LDB2: variants seen among roughly 807,000 people sequenced by gnomAD.
LDB2 encodes LIM domain binding 2.
In LDB2, 12 loss-of-function variants were observed where a neutral mutation model predicts 44.3. The observed-to-expected ratio is 0.27, with a 90% CI of 0.17 to 0.44. The LOEUF (loss-of-function observed/expected upper bound fraction) is 0.44. Among genes scored for constraint, LDB2 ranks in the 20% least tolerant of loss-of-function variants. LDB2 has a pLI of 1.00. For missense variants in LDB2, 344 were observed against 473.5 expected, an observed-to-expected ratio of 0.73 and a Z score of 2.54; for synonymous variants, 164 against 174.8, an observed-to-expected ratio of 0.94 and a Z score of 0.49.
intron 2 of LDB2, among the ~76,000 whole-genome samples, chr4:16,625,149 A>G (rs1729942084): frequency 1.3e-5 from 2 of 151,958 alleles, no homozygotes; most frequent in South Asian, 4.2e-4. Flanking sequence ...GCATCATCTC[A>G]TACCTCTCTC....
rs893010027 is a variant in LDB2, at chr4:16,502,474, T to C, written c.*169A>G. The C allele has an allele frequency of 8.2e-6, 8 of 972,770 alleles. No individual in the cohort carries two copies. Among genetic ancestry groups the C allele is most frequent in the Non-Finnish European group, 1.2e-5 (8 of 659,158 alleles). 60.3% of individuals were successfully genotyped at this position (972,770 alleles called of 1,614,324 possible). A position where few individuals can be genotyped will look rare whatever the true frequency, so the allele number is the denominator to read the frequency against. ...TGGAAGCTTACTGGGAATAATCCTC[T>C]CAATTAGAAAAAAAGAAAGAAGAAA... On this transcript the variant is annotated 3_prime_UTR_variant, in exon 8 of 8. Transcript: ENST00000304523.
At chr4:16,897,213 C>T (rs559631680) in intron 1 of LDB2, among the ~76,000 whole-genome samples, 1 of 152,282 alleles carries the variant, frequency 6.6e-6, no homozygotes, top group South Asian at 2.1e-4. Flanking sequence ...AATGGAGTCC[C>T]TTCCTAGAGT....
At chr4:16,857,735 G>C (rs114755341) in intron 1 of LDB2, among the ~76,000 whole-genome samples, 2,168 of 152,212 alleles carry the variant, frequency 0.014, 57 homozygotes, top group African/African-American at 0.049. Flanking sequence ...ACTTTATGAA[G>C]GTCTCTGCTC....
Position 16,583,568 on chromosome 4 carries a change from A to G in LDB2, c.615+2354T>C, listed in dbSNP as rs1418347788. On this transcript the variant is annotated intron_variant, in intron 5 of 7. Coordinates refer to ENST00000304523, the MANE Select transcript of LDB2 (RefSeq NM_001290.5). The stretch of plus-strand genomic sequence containing the variant: ...GTGACTGCTCCGCTGTCTTAAAAAA[A>G]TTAGATGATAAGGCTACTAGAAGAA... 2.6e-5 allele frequency among the ~76,000 whole-genome samples: 4 copies of G among 152,242 alleles called. No individual in the cohort carries two copies. In the South Asian group the frequency reaches 6.2e-4, roughly 24 times the overall value.
intron 5 of LDB2, among the ~76,000 whole-genome samples, chr4:16,555,325 C>T (rs576723168): frequency 2.8e-4 from 42 of 152,244 alleles, no homozygotes; most frequent in African/African-American, 9.2e-4. Flanking sequence ...TAAAGAACTG[C>T]GTTACTATGG....
intron 2 of LDB2, among the ~76,000 whole-genome samples, chr4:16,742,079 T>C (rs59703850): frequency 0.2 from 26,432 of 130,696 alleles, 2,048 homozygotes; most frequent in Non-Finnish European, 0.28. Context: ...CTTTTCTTTT[T>C]TTTTTTTTTT....
intron 5 of LDB2, among the ~76,000 whole-genome samples, chr4:16,576,241 C>A (rs1163567640): frequency 6.6e-6 from 1 of 151,270 alleles, no homozygotes; most frequent in Non-Finnish European, 1.5e-5. Context: ...AAGATCAGAG[C>A]AGGAATCAAT....
chr4:16,625,857 T>A (rs917033707), intron 2 of LDB2, among the ~76,000 whole-genome samples: 1 of 152,168 alleles, frequency 6.6e-6, no homozygotes, highest in East Asian at 1.9e-4. Context: ...AGCCTCTGCA[T>A]AAAACCACTG....
At chr4:16,600,680 G>A (rs1030999177) in intron 2 of LDB2, among the ~76,000 whole-genome samples, 10 of 152,032 alleles carry the variant, frequency 6.6e-5, no homozygotes, top group South Asian at 2.1e-4. Flanking sequence ...GGAGATTTTC[G>A]TTGTTGTTCT....
intron 5 of LDB2, among the ~76,000 whole-genome samples, chr4:16,568,914 C>T (rs556514003): frequency 1.3e-5 from 2 of 152,174 alleles, no homozygotes; most frequent in African/African-American, 2.4e-5. Context: ...AGAGGAATTT[C>T]GCAGGCAAGG....
At chr4:16,614,562 C>A in intron 2 of LDB2, among the ~76,000 whole-genome samples, 1 of 121,992 alleles carries the variant, frequency 8.2e-6, no homozygotes. Flanking sequence ...GGAACTTAAA[C>A]ACATTTACAA....
intron 5 of LDB2, among the ~76,000 whole-genome samples, chr4:16,565,006 A>G (rs1743987296): frequency 6.6e-6 from 1 of 152,268 alleles, no homozygotes; most frequent in Non-Finnish European, 1.5e-5. Flanking sequence ...CAATTACAAG[A>G]AATTGTAAAT....
chr4:16,611,310 G>C (rs984631160), intron 2 of LDB2, among the ~76,000 whole-genome samples: 2 of 152,146 alleles, frequency 1.3e-5, no homozygotes, highest in East Asian at 3.9e-4. Context: ...GCGTCAACTA[G>C]TGTGCAAAAT....
chr4:16,721,246 A>T (rs186088049), intron 2 of LDB2, among the ~76,000 whole-genome samples: 8 of 152,188 alleles, frequency 5.3e-5, no homozygotes, highest in Non-Finnish European at 1.2e-4. Flanking sequence ...ATAAACAGGC[A>T]CACAATACAT....
intron 1 of LDB2, among the ~76,000 whole-genome samples, chr4:16,837,782 G>T (rs753469721): frequency 6.6e-6 from 1 of 152,198 alleles, no homozygotes; most frequent in African/African-American, 2.4e-5. Context: ...ATTTACTAAC[G>T]CACAGTACTA....
In LDB2 at chr4:16,595,862, G is replaced by T. The variant is rs774944784; in HGVS notation, c.249C>A (p.Thr83=). ...DGPKRYTIGR[T]LIPRYFSTVF... Reference sequence around the variant, plus strand: ...CAGTGCTAAAGTAACGGGGGATGAGGGTCCTGCCGATAGCTGGGAGAGAAA... The same window carrying T: ...CAGTGCTAAAGTAACGGGGGATGAGTGTCCTGCCGATAGCTGGGAGAGAAA... The change falls in exon 3 of 8, where the codon ACC becomes ACA. Residue 83 remains threonine (T), a synonymous_variant. Transcript: ENST00000304523. 7.4e-6 allele frequency: 12 copies of T among 1,612,780 alleles called. No homozygotes were observed. Among genetic ancestry groups the T allele is most frequent in the Non-Finnish European group, 2.5e-6 (3 of 1,179,402 alleles).
chr4:16,564,951 A>C (rs1459837668), intron 5 of LDB2, among the ~76,000 whole-genome samples: 6 of 152,256 alleles, frequency 3.9e-5, no homozygotes, highest in Non-Finnish European at 8.8e-5. Context: ...ATCATATAAG[A>C]GGGAATATCA....
intron 1 of LDB2, among the ~76,000 whole-genome samples, chr4:16,872,718 C>A (rs954064776): frequency 2.0e-5 from 3 of 152,092 alleles, no homozygotes; most frequent in African/African-American, 7.2e-5. Flanking sequence ...CTGTTACAAT[C>A]AAAAATAATA....
At chr4:16,539,633 TA>T (rs1733065418) in intron 5 of LDB2, among the ~76,000 whole-genome samples, 2 of 152,174 alleles carry the variant, frequency 1.3e-5, no homozygotes, top group Admixed American at 1.3e-4. Flanking sequence ...TCCAAGTGAT[TA>T]CATAAACTTG....
Sources: gnomAD v4.1 joint callset for allele counts (sites outside exome capture counted in the v4.1 genomes callset) on GRCh38, gnomAD v4.1.1 for gene constraint, MANE v1.5 for transcripts, NCBI Gene and HGNC (gene_info 2026-07-23, HGNC 2026-07-21) for gene names.